PAK3: variants seen among roughly 807,000 people sequenced by gnomAD.
PAK3 encodes p21 (RAC1) activated kinase 3, also known as serine/threonine-protein kinase PAK 3.
Under a neutral mutation model 41.0 loss-of-function variants are expected in PAK3, and 4 were observed. That is an observed-to-expected ratio of 0.10 (90% CI 0.05 to 0.22). PAK3 has a LOEUF of 0.22. Ranked by LOEUF, PAK3 falls within the 10% of genes least tolerant of loss-of-function variation. PAK3 has a pLI of 1.00. For synonymous variants in PAK3, 146 were observed against 139.6 expected (o/e 1.05, Z -0.32); for missense variants, 205 against 409.9 (o/e 0.50, Z 4.32).
At chrX:110,950,250 G>A (rs2090713053) in intron 1 of PAK3, among the ~76,000 whole-genome samples, 2 of 111,972 alleles carry the variant, frequency 1.8e-5, no homozygotes, top group African/African-American at 6.5e-5. Flanking sequence ...TCACAGGTTG[G>A]TATGTATCAC....
At chrX:111,022,282 C>T (rs760238557) in intron 1 of PAK3, among the ~76,000 whole-genome samples, 1 of 111,985 alleles carries the variant, frequency 8.9e-6, no homozygotes, top group South Asian at 3.7e-4. Context: ...GAGGCAAAAG[C>T]ATCGGGTAAC....
At chrX:111,204,757 G>T (rs1280725895) in intron 16 of PAK3, among the ~76,000 whole-genome samples, 3 of 110,597 alleles carry the variant, frequency 2.7e-5, no homozygotes, top group Admixed American at 9.7e-5. Context: ...GGCAGTGTAA[G>T]AATTGTAGCT....
rs937327188 is a variant in PAK3 at position 110,945,242 on chromosome X, CGTGT to C, written c.-28+623_-28+626del. 2.2e-4 allele frequency among the ~76,000 whole-genome samples: 24 copies of C among 107,043 alleles called. No homozygotes were observed. The East Asian group carries it at 6.1e-3, about 27-fold the overall frequency. 93.0% of individuals were successfully genotyped at this position (107,043 alleles called of 115,157 possible). ...AGTGGTGTGTGTGTGTGTGTGTGTG[CGTGT>C]GTGTGTGTCTGCGCCATGGGGCTGG... On this transcript the variant is annotated intron_variant, in intron 1 of 14. Transcript: ENST00000425146.
intron 1 of PAK3, among the ~76,000 whole-genome samples, chrX:111,031,563 T>TA (rs747812104): frequency 8.9e-6 from 1 of 111,835 alleles, no homozygotes; most frequent in South Asian, 3.8e-4. Flanking sequence ...CCTTTATTGT[T>TA]ATTTGTTTGA....
At chrX:111,175,366 AT>A (rs1379308188) in intron 11 of PAK3, among the ~76,000 whole-genome samples, 1 of 111,870 alleles carries the variant, frequency 8.9e-6, no homozygotes, top group Non-Finnish European at 1.9e-5. Context: ...TCATTAATAT[AT>A]TTTTTATTGA....
chrX:111,178,112 A>G (rs1040016016), intron 11 of PAK3, among the ~76,000 whole-genome samples: 1 of 111,088 alleles, frequency 9.0e-6, no homozygotes, highest in African/African-American at 3.3e-5. Flanking sequence ...AATACTGGAC[A>G]TGGAGAAGAG....
chrX:111,036,772 A>G (rs200652796), intron 1 of PAK3, among the ~76,000 whole-genome samples: 2 of 111,583 alleles, frequency 1.8e-5, no homozygotes, highest in Admixed American at 9.5e-5. Context: ...CCCCCGATTA[A>G]AAAACCTCTT....
At chrX:110,985,381 C>T (rs1295425231) in intron 1 of PAK3, among the ~76,000 whole-genome samples, 3 of 112,304 alleles carry the variant, frequency 2.7e-5, no homozygotes, top group African/African-American at 6.5e-5. Flanking sequence ...AGAGTGTTAA[C>T]TCTGTTAAGC....
At chrX:111,038,687 G>A (rs1458400566) in intron 1 of PAK3, among the ~76,000 whole-genome samples, 1 of 111,963 alleles carries the variant, frequency 8.9e-6, no homozygotes. Context: ...AAGTATTTTA[G>A]CCTCTCTGAC....
chrX:111,086,088 T>C (rs765142763), intron 1 of PAK3, among the ~76,000 whole-genome samples: 2 of 99,973 alleles, frequency 2.0e-5, no homozygotes, highest in Admixed American at 2.2e-4. Context: ...TGTGTGTGTG[T>C]GTGCATGTGC....
intron 1 of PAK3, among the ~76,000 whole-genome samples, chrX:110,989,988 A>G (rs893115366): frequency 8.9e-6 from 1 of 111,943 alleles, no homozygotes; most frequent in African/African-American, 3.3e-5. Context: ...GGCGCTCTTT[A>G]TTGCTTTTGC....
intron 13 of PAK3, among the ~76,000 whole-genome samples, chrX:111,193,143 G>A (rs1248923259): frequency 9.0e-6 from 1 of 111,258 alleles, no homozygotes; most frequent in African/African-American, 3.3e-5. Flanking sequence ...CTTCACTTGT[G>A]GTTAACATCT....
intron 1 of PAK3, among the ~76,000 whole-genome samples, chrX:110,969,269 C>T (rs190574015): frequency 9.8e-6 from 1 of 102,513 alleles, no homozygotes; most frequent in African/African-American, 3.6e-5. Flanking sequence ...CATTACTTGT[C>T]AAAAAGGCAA....
chrX:110,956,817 G>T (rs913560636), intron 1 of PAK3, among the ~76,000 whole-genome samples: 1 of 111,621 alleles, frequency 9.0e-6, no homozygotes, highest in African/African-American at 3.3e-5. Context: ...ATAATATGTT[G>T]AGTAAGGCAA....
At chrX:111,024,938 T>C (rs1348474200) in intron 1 of PAK3, among the ~76,000 whole-genome samples, 1 of 111,454 alleles carries the variant, frequency 9.0e-6, no homozygotes, top group African/African-American at 3.3e-5. Context: ...ATCGAAATTA[T>C]ATCAAGTACT....
chrX:111,210,880 G>A (rs770437221), intron 16 of PAK3, among the ~76,000 whole-genome samples: 6 of 111,802 alleles, frequency 5.4e-5, no homozygotes, highest in Non-Finnish European at 9.4e-5. Context: ...AACTATCCTG[G>A]TTTGCTTGAG....
chrX:110,980,520 A>T (rs764399644), intron 1 of PAK3, among the ~76,000 whole-genome samples: 9 of 111,058 alleles, frequency 8.1e-5, no homozygotes, highest in African/African-American at 2.3e-4. Flanking sequence ...TTTTCTGTCT[A>T]TTGTAGGGGC....
intron 16 of PAK3, among the ~76,000 whole-genome samples, chrX:111,199,794 C>T (rs1395706006): frequency 9.0e-6 from 1 of 111,540 alleles, no homozygotes; most frequent in Non-Finnish European, 1.9e-5. Context: ...TCTTGTTATC[C>T]CTGCAAAGAG....
chrX:111,066,599 T>A (rs1397668075), intron 1 of PAK3, among the ~76,000 whole-genome samples: 3 of 112,061 alleles, frequency 2.7e-5, no homozygotes, highest in African/African-American at 9.7e-5. Flanking sequence ...AAGCGTTGAA[T>A]TTAAGTCCAG....
Sources: gnomAD v4.1 joint callset for allele counts (sites outside exome capture counted in the v4.1 genomes callset) on GRCh38, gnomAD v4.1.1 for gene constraint, MANE v1.5 for transcripts, NCBI Gene and HGNC (gene_info 2026-07-23, HGNC 2026-07-21) for gene names.